CCNY: variants seen among roughly 807,000 people sequenced by gnomAD.
CCNY encodes the protein cyclin-Y.
Under a neutral mutation model 42.8 loss-of-function variants are expected in CCNY, and 19 were observed. The observed-to-expected ratio is 0.44, with a 90% CI of 0.31 to 0.65. The LOEUF (loss-of-function observed/expected upper bound fraction) is 0.65. CCNY is among the 30% of genes least tolerant of loss of function. The probability of loss-of-function intolerance (pLI) is 0.07; values close to 1 mark genes in which losing one functional copy is unlikely to be tolerated. For missense variants in CCNY, 370 were observed against 437.3 expected (o/e 0.85, Z 1.37); for synonymous variants, 165 against 162.7 (o/e 1.01, Z -0.11).
intron 1 of CCNY, among the ~76,000 whole-genome samples, chr10:35,368,475 A>G (rs731544): frequency 0.63 from 95,184 of 152,200 alleles, 32,531 homozygotes; most frequent in African/African-American, 0.91. Context: ...TGCTCATGTT[A>G]TTATTCTCAT....
At position 35,483,461 on chromosome 10, in the gene CCNY, G is replaced by A; in HGVS notation, c.212G>A (p.Ser71Asn). The change falls in exon 2 of 10, where the codon AGT (serine) becomes AAT (asparagine). Residue 71 changes from serine to asparagine, a missense_variant. Coordinates refer to ENST00000374704, the MANE Select transcript of CCNY (RefSeq NM_145012.6). ...CCTCGGGCCAGCACAATATTCCTCA[G>A]TAAATCTCAGACGGACGGTAGGTCC... ...DHPRASTIFLSKSQTDVREKR... is the reference protein window; with the variant it reads ...DHPRASTIFLNKSQTDVREKR... 1.2e-6 allele frequency: 2 copies of A among 1,606,694 alleles called. No individual in the cohort carries two copies. Among genetic ancestry groups the A allele is most frequent in the Non-Finnish European group, 1.7e-6 (2 of 1,174,208 alleles).
chr10:35,286,655 C>A (rs184279441), intron 3 of CCNY, among the ~76,000 whole-genome samples: 3,232 of 112,246 alleles, frequency 0.029, 121 homozygotes, highest in African/African-American at 0.1. Flanking sequence ...CGTGCCCAGC[C>A]TTTTTTTTTT....
At chr10:35,520,981 A>C (rs937376460) in intron 4 of CCNY, among the ~76,000 whole-genome samples, 4 of 152,204 alleles carry the variant, frequency 2.6e-5, no homozygotes, top group African/African-American at 9.6e-5. Context: ...GCCAGGGAAC[A>C]GCTAATGCCC....
chr10:35,487,357 G>A (rs1215278464), intron 2 of CCNY, among the ~76,000 whole-genome samples: 1 of 152,088 alleles, frequency 6.6e-6, no homozygotes, highest in East Asian at 1.9e-4. Context: ...AGCCATGATT[G>A]GGATGAGGAC....
At chr10:35,330,932 G>C (rs1835936458) in intron 3 of CCNY, among the ~76,000 whole-genome samples, 2 of 152,106 alleles carry the variant, frequency 1.3e-5, no homozygotes, top group Non-Finnish European at 2.9e-5. Context: ...GCTAATTTTT[G>C]TATGTTTAGT....
intron 1 of CCNY, among the ~76,000 whole-genome samples, chr10:35,382,937 C>T (rs1412674801): frequency 6.6e-6 from 1 of 152,210 alleles, no homozygotes; most frequent in Non-Finnish European, 1.5e-5. Context: ...AGTAGAGAGT[C>T]AACCATACTA....
At chr10:35,406,236 TA>T (rs1390148417) in intron 1 of CCNY, among the ~76,000 whole-genome samples, 318 of 149,456 alleles carry the variant, frequency 2.1e-3, no homozygotes, top group African/African-American at 7.4e-3. Flanking sequence ...TTTATTTATT[TA>T]TTTATTTTTT....
At chr10:35,567,415 C>T (rs563766392) in intron 9 of CCNY, among the ~76,000 whole-genome samples, 1 of 152,352 alleles carries the variant, frequency 6.6e-6, no homozygotes, top group African/African-American at 2.4e-5. Flanking sequence ...TAAGCAGGAT[C>T]CCTGGGGAGA....
chr10:35,375,034 A>G (rs912507536), intron 1 of CCNY, among the ~76,000 whole-genome samples: 5 of 152,178 alleles, frequency 3.3e-5, no homozygotes, highest in Admixed American at 6.5e-5. Context: ...GAGTTGGGGT[A>G]TGAGACTAGG....
chr10:35,352,401 C>T (rs187177945), intron 1 of CCNY, among the ~76,000 whole-genome samples: 312 of 152,314 alleles, frequency 2.0e-3, no homozygotes, highest in African/African-American at 6.3e-3. Context: ...ACAGAATTAA[C>T]TAGGCAAGTA....
At chr10:35,294,105 T>C (rs1348775779) in intron 3 of CCNY, among the ~76,000 whole-genome samples, 3 of 152,244 alleles carry the variant, frequency 2.0e-5, no homozygotes, top group Non-Finnish European at 2.9e-5. Flanking sequence ...GATATTTGTA[T>C]GTTGATCTTT....
intron 7 of CCNY, among the ~76,000 whole-genome samples, chr10:35,541,788 G>A (rs556536132): frequency 6.6e-6 from 1 of 151,620 alleles, no homozygotes; most frequent in Non-Finnish European, 1.5e-5. Flanking sequence ...TCCCATCCAA[G>A]ACACCATCTT....
intron 2 of CCNY, among the ~76,000 whole-genome samples, chr10:35,494,303 C>T (rs1839965098): frequency 6.7e-6 from 1 of 149,568 alleles, no homozygotes; most frequent in Non-Finnish European, 1.5e-5. Context: ...TTCAACACAC[C>T]TTGGAAGCAA....
intron 3 of CCNY, among the ~76,000 whole-genome samples, chr10:35,290,660 A>G (rs1835403522): frequency 6.6e-6 from 1 of 152,076 alleles, no homozygotes; most frequent in Non-Finnish European, 1.5e-5. Flanking sequence ...ATCACATACA[A>G]TTTTACATTA....
chr10:35,543,431 C>T (rs773488892), intron 7 of CCNY, among the ~76,000 whole-genome samples: 2 of 152,176 alleles, frequency 1.3e-5, no homozygotes, highest in South Asian at 2.1e-4. Context: ...TTTCAGTCAA[C>T]GATGGACCAC....
intron 3 of CCNY, among the ~76,000 whole-genome samples, chr10:35,271,462 T>C (rs1835168196): frequency 6.6e-6 from 1 of 152,176 alleles, no homozygotes; most frequent in African/African-American, 2.4e-5. Context: ...CCCCTGTGCT[T>C]CTGGCAGGGG....
Position 35,569,167 on chromosome 10 carries a change from T to G in CCNY, c.1023T>G (p.Ser341=). Residue 341 remains serine, a synonymous_variant, in exon 10 of 10, where the codon TCT becomes TCG. Transcript: ENST00000374704. ...TLPRWSPAII[S] ...CCCGGTGGTCCCCAGCCATCATCTC[T>G]TAACTACGGAGGCCCGCCGGAGGCC... is the stretch of plus-strand genomic sequence containing the variant. The G allele has an allele frequency of 6.3e-7, 1 of 1,596,282 alleles. No individual in the cohort carries two copies. The highest frequency in any genetic ancestry group is 8.6e-7 in the Non-Finnish European group (1 of 1,166,082).
chr10:35,397,768 G>A lies in CCNY; in HGVS notation c.154+60561G>A, dbSNP rs1342864789. 8.5e-5 allele frequency among the ~76,000 whole-genome samples: 13 copies of A among 152,288 alleles called. 1 individual carries two copies. The East Asian group carries it at 1.4e-3, about 16-fold the overall frequency. ...CTATCAGAAATGGCCCCAGCTGTGT[G>A]TGGGCTGCTGCATCTCTCCTGCCTG... On this transcript the variant is annotated intron_variant, in intron 1 of 9. Transcript: ENST00000374704.
chr10:35,552,308 C>A (rs994232037), intron 7 of CCNY, among the ~76,000 whole-genome samples: 1 of 152,098 alleles, frequency 6.6e-6, no homozygotes, highest in African/African-American at 2.4e-5. Flanking sequence ...TATGATGTGC[C>A]AAGAGTAGTC....
Sources: gnomAD v4.1 joint callset for allele counts (sites outside exome capture counted in the v4.1 genomes callset) on GRCh38, gnomAD v4.1.1 for gene constraint, MANE v1.5 for transcripts, NCBI Gene and HGNC (gene_info 2026-07-23, HGNC 2026-07-21) for gene names.